CELF2: variants seen among roughly 807,000 people sequenced by gnomAD.
CELF2 encodes the protein CUG triplet repeat RNA-binding protein 2.
CELF2 carries 8 observed loss-of-function variants against 62.6 expected under a neutral mutation model. That is an observed-to-expected ratio of 0.13 (90% confidence interval 0.07 to 0.23). The LOEUF is 0.23. CELF2 is among the 10% of genes least tolerant of loss of function. CELF2 has a pLI of 1.00. For missense variants in CELF2, 333 were observed against 671.0 expected (o/e 0.50, Z 5.56); for synonymous variants, 258 against 250.0 (o/e 1.03, Z -0.30).
At chr10:11,208,958 A>G (rs796223109) in intron 2 of CELF2, among the ~76,000 whole-genome samples, 4 of 152,222 alleles carry the variant, frequency 2.6e-5, no homozygotes, top group African/African-American at 7.2e-5. Flanking sequence ...AGGCAACGCT[A>G]CCTTAACTTC....
At chr10:11,126,503 C>T (rs2058723924) in intron 1 of CELF2, among the ~76,000 whole-genome samples, 2 of 152,186 alleles carry the variant, frequency 1.3e-5, no homozygotes, top group African/African-American at 4.8e-5. Context: ...TTTACAGTTA[C>T]ATCAGAATAC....
chr10:11,332,521 C>G lies in CELF2; in HGVS notation c.*3468C>G, dbSNP rs1406878217. 1 of 152,210 alleles carries G rather than the reference C, an allele frequency of 6.6e-6. No homozygotes were observed. Among genetic ancestry groups the G allele is most frequent in the Non-Finnish European group, 1.5e-5 (1 of 68,040 alleles). The allele number at this position is 152,210 out of a possible 1,614,324, so 9.4% of individuals were successfully genotyped here. On this transcript the variant is annotated 3_prime_UTR_variant, in exon 13 of 13. Coordinates refer to ENST00000633077, the MANE Select transcript of CELF2 (RefSeq NM_001326342.2). ...AAATACCTAGCACCAGTTCCTGCTG[C>G]CACTTTTTAAAGTGCCATATGACTT...
chr10:10,639,574 A>G, the CELF2 span, among the ~76,000 whole-genome samples: 6 of 152,334 alleles, frequency 3.9e-5, no homozygotes, highest in East Asian at 1.2e-3. Flanking sequence ...TGACTTTGGA[A>G]TAAGTAAATT....
At chr10:11,058,089 A>G (rs1382202556) in intron 1 of CELF2, among the ~76,000 whole-genome samples, 3 of 149,922 alleles carry the variant, frequency 2.0e-5, no homozygotes, top group African/African-American at 7.3e-5. Context: ...AAAAAAACGG[A>G]ATCTAATGTT....
the CELF2 span, among the ~76,000 whole-genome samples, chr10:10,565,715 T>C: frequency 6.6e-6 from 1 of 152,234 alleles, no homozygotes; most frequent in African/African-American, 2.4e-5. Context: ...AGACTTCCTT[T>C]TAATAAGCAC....
At chr10:11,103,817 G>A (rs1352934995) in intron 1 of CELF2, among the ~76,000 whole-genome samples, 1 of 152,114 alleles carries the variant, frequency 6.6e-6, no homozygotes, top group Non-Finnish European at 1.5e-5. Context: ...GATGTAGTTA[G>A]GTAGCCCAAA....
At chr10:10,554,480 T>C in the CELF2 span, among the ~76,000 whole-genome samples, 1 of 152,212 alleles carries the variant, frequency 6.6e-6, no homozygotes, top group East Asian at 1.9e-4. Context: ...TGGGAGGCAC[T>C]GTCAAGAGAG....
chr10:10,520,155 C>T, the CELF2 span, among the ~76,000 whole-genome samples: 1 of 152,008 alleles, frequency 6.6e-6, no homozygotes, highest in Admixed American at 6.6e-5. Context: ...TTAGATTGTC[C>T]CCAGAACACT....
intron 11 of CELF2, among the ~76,000 whole-genome samples, chr10:11,323,363 C>T (rs572803142): frequency 2.6e-5 from 4 of 151,378 alleles, no homozygotes; most frequent in Admixed American, 6.6e-5. Context: ...AAATTTAAAC[C>T]ATCTTCTTAT....
the CELF2 span, among the ~76,000 whole-genome samples, chr10:10,684,905 G>A: frequency 3.9e-5 from 6 of 152,082 alleles, no homozygotes; most frequent in Admixed American, 2.6e-4. Flanking sequence ...TCACAGCACC[G>A]GGAGCTAGTT....
At chr10:10,667,355 A>G in the CELF2 span, among the ~76,000 whole-genome samples, 1 of 152,228 alleles carries the variant, frequency 6.6e-6, no homozygotes, top group Non-Finnish European at 1.5e-5. Context: ...AATTTATTCA[A>G]AATATATTCC....
chr10:10,872,880 C>T (rs1170783046), intron 1 of CELF2, among the ~76,000 whole-genome samples: 1 of 151,978 alleles, frequency 6.6e-6, no homozygotes, highest in East Asian at 1.9e-4. Flanking sequence ...GGGGAAAGGA[C>T]ACATGTGGTG....
the CELF2 span, among the ~76,000 whole-genome samples, chr10:10,467,147 T>G: frequency 6.6e-6 from 1 of 152,102 alleles, no homozygotes; most frequent in African/African-American, 2.4e-5. Context: ...TTCATACTTT[T>G]TTGTGTGGAC....
the CELF2 span, among the ~76,000 whole-genome samples, chr10:10,484,966 T>C: frequency 6.6e-6 from 1 of 152,206 alleles, no homozygotes; most frequent in African/African-American, 2.4e-5. Flanking sequence ...TTCTGGATAA[T>C]GCTTTATGAG....
At position 11,012,044 on chromosome 10, in the gene CELF2, A is replaced by G. The variant is rs1339229495; in HGVS notation, c.53+6604A>G. Among the ~76,000 whole-genome samples the G allele has an allele frequency of 6.6e-6, 1 of 152,218 alleles. No individual in the cohort carries two copies. Among genetic ancestry groups the G allele is most frequent in the Non-Finnish European group, 1.5e-5 (1 of 68,048 alleles). Reference sequence around the variant, plus strand: ...GTAGGCTTTGATTTTTCAGCCATTCATCTCTATTAGGAAGTACGGAATGGC... The same window carrying G: ...GTAGGCTTTGATTTTTCAGCCATTCGTCTCTATTAGGAAGTACGGAATGGC... On this transcript the variant is annotated intron_variant, in intron 1 of 12. Transcript: ENST00000416382. This position sits in a 1 kb window ranked among gnomAD's most constrained non-coding sequence, Gnocchi z 5.5.
intron 1 of CELF2, among the ~76,000 whole-genome samples, chr10:11,054,507 G>GTATA (rs1554804126): frequency 6.6e-6 from 1 of 151,152 alleles, no homozygotes; most frequent in African/African-American, 2.4e-5. Flanking sequence ...GTGTGTGTGT[G>GTATA]TGTGTGTGTG....
intron 9 of CELF2, among the ~76,000 whole-genome samples, chr10:11,301,918 CAT>C (rs1046417326): frequency 1.3e-5 from 2 of 152,122 alleles, no homozygotes; most frequent in South Asian, 2.1e-4. Context: ...ACGTGGGCCT[CAT>C]GTGGAGAGAG....
At chr10:10,550,109 T>C in the CELF2 span, among the ~76,000 whole-genome samples, 1 of 152,224 alleles carries the variant, frequency 6.6e-6, no homozygotes, top group African/African-American at 2.4e-5. Context: ...CCAGAAGCCT[T>C]ACCAATAACA....
At chr10:11,069,363 G>A (rs1435485244) in intron 1 of CELF2, among the ~76,000 whole-genome samples, 1 of 152,214 alleles carries the variant, frequency 6.6e-6, no homozygotes, top group Non-Finnish European at 1.5e-5. Flanking sequence ...GAAATTGATA[G>A]TGTAAGTGAA....
Sources: allele counts gnomAD v4.1 joint callset (sites outside exome capture counted in the v4.1 genomes callset), GRCh38; gene constraint gnomAD v4.1.1; non-coding constraint Gnocchi (gnomAD v3.1); transcripts MANE v1.5; gene names NCBI Gene and HGNC (gene_info 2026-07-23, HGNC 2026-07-21).